The following SLC5A1 variants were observed in gnomAD, a reference collection of about 807,000 sequenced individuals.
The protein encoded by SLC5A1 is sodium/glucose cotransporter 1.
In SLC5A1, 42 loss-of-function variants were observed where a neutral mutation model predicts 73.5. The observed-to-expected ratio is 0.57, with a 90% CI of 0.45 to 0.74. The LOEUF (loss-of-function observed/expected upper bound fraction) is 0.74, where lower values mean the gene tolerates loss of function less well. Ranked by LOEUF, SLC5A1 falls within the 30% of genes least tolerant of loss-of-function variation. The probability of loss-of-function intolerance (pLI) is 0.00; values close to 1 mark genes in which losing one functional copy is unlikely to be tolerated. For missense variants in SLC5A1, 634 were observed against 855.4 expected, an observed-to-expected ratio of 0.74 and a Z score of 3.23; for synonymous variants, 300 against 317.4, an observed-to-expected ratio of 0.95 and a Z score of 0.58.
At chr22:32,087,229 A>C (rs2094009746) in intron 10 of SLC5A1, among the ~76,000 whole-genome samples, 1 of 152,220 alleles carries the variant, frequency 6.6e-6, no homozygotes, top group African/African-American at 2.4e-5. Context: ...GAAAATTGCC[A>C]AGAGTAGATT....
intron 5 of SLC5A1, among the ~76,000 whole-genome samples, chr22:32,073,904 AT>A (rs2093986777): frequency 6.6e-6 from 1 of 152,074 alleles, no homozygotes; most frequent in East Asian, 1.9e-4. Flanking sequence ...GGGCTTTCCC[AT>A]TTTATTTGAT....
In SLC5A1 at chr22:32,110,324, GATAA is replaced by G; in HGVS notation, c.*114_*117del. 1 of 801,598 alleles carries G rather than the reference GATAA, an allele frequency of 1.2e-6. No homozygotes were observed. The highest frequency in any genetic ancestry group is 2.2e-6 in the Non-Finnish European group (1 of 459,768). The allele number at this position is 801,598 out of a possible 1,614,324, so 49.7% of individuals were successfully genotyped here. On this transcript the variant is annotated 3_prime_UTR_variant, in exon 15 of 15. Coordinates refer to ENST00000266088, the MANE Select transcript of SLC5A1 (RefSeq NM_000343.4). The stretch of plus-strand genomic sequence containing the variant: ...GCCAGTTGTAAATTTTGCCCAGGTG[GATAA>G]ATGTGTACATGTGTAATTATAGGCT...
intron 14 of SLC5A1, among the ~76,000 whole-genome samples, chr22:32,109,135 C>T (rs1034716130): frequency 2.0e-5 from 3 of 152,116 alleles, no homozygotes; most frequent in Non-Finnish European, 4.4e-5. Context: ...GATTACCCCA[C>T]TGCACTCCAG....
chr22:32,079,165 G>C (rs563581452), intron 5 of SLC5A1, among the ~76,000 whole-genome samples: 1 of 152,250 alleles, frequency 6.6e-6, no homozygotes, highest in East Asian at 1.9e-4. Flanking sequence ...ACCCTAGTGG[G>C]TTTGTTTGGC....
At chr22:32,075,608 A>T (rs544314644) in intron 5 of SLC5A1, among the ~76,000 whole-genome samples, 9 of 152,156 alleles carry the variant, frequency 5.9e-5, no homozygotes, top group Non-Finnish European at 8.8e-5. Context: ...GTAGGTTAGA[A>T]TTCAAGACCC....
At position 32,110,264 on chromosome 22, in the gene SLC5A1, C is replaced by T; in HGVS notation, c.*51C>T. 7.1e-7 allele frequency: 1 copy of T among 1,407,034 alleles called. No individual in the cohort carries two copies. Among genetic ancestry groups the T allele is most frequent in the Non-Finnish European group, 1.0e-6 (1 of 993,472 alleles). The allele number at this position is 1,407,034 out of a possible 1,614,324, so 87.2% of individuals were successfully genotyped here. On this transcript the variant is annotated 3_prime_UTR_variant, in exon 15 of 15. Transcript: ENST00000266088. ...CATGGCTGGACTCTTACTCACCTTC[C>T]TTTAGTCTCGTCCTGTGGTGTTGAA...
chr22:32,108,612 T>G (rs2094050551), intron 14 of SLC5A1, among the ~76,000 whole-genome samples: 1 of 152,100 alleles, frequency 6.6e-6, no homozygotes, highest in Non-Finnish European at 1.5e-5. Context: ...TAGGAGTATT[T>G]TGAGTGTCAA....
At chr22:32,052,852 T>A (rs1215942144) in intron 2 of SLC5A1, among the ~76,000 whole-genome samples, 3 of 152,126 alleles carry the variant, frequency 2.0e-5, no homozygotes, top group Non-Finnish European at 4.4e-5. Context: ...TCCCCCTTAG[T>A]GGTGTCACCT....
intron 10 of SLC5A1, among the ~76,000 whole-genome samples, chr22:32,087,211 G>A (rs1190449667): frequency 6.6e-6 from 1 of 152,110 alleles, no homozygotes; most frequent in Non-Finnish European, 1.5e-5. Context: ...GCAACGTATT[G>A]TATACTTGAA....
At chr22:32,091,328 CACACACACACACA>C (rs2094017104) in intron 10 of SLC5A1, among the ~76,000 whole-genome samples, 3 of 151,486 alleles carry the variant, frequency 2.0e-5, no homozygotes, top group African/African-American at 4.9e-5. Context: ...CACACACACA[CACACACACACACA>C]CCCCACCACC....
intron 11 of SLC5A1, among the ~76,000 whole-genome samples, chr22:32,097,282 CTGGGAAA>C (rs2094027818): frequency 6.6e-6 from 1 of 152,058 alleles, no homozygotes; most frequent in African/African-American, 2.4e-5. Flanking sequence ...GCATGAGTGG[CTGGGAAA>C]GGCTCCTGGG....
rs2094053823 is a variant in SLC5A1, at chr22:32,110,178, A to G, written c.1960A>G (p.Thr654Ala). The G allele has an allele frequency of 1.9e-6, 3 of 1,614,048 alleles. No individual in the cohort carries two copies. Among genetic ancestry groups the G allele is most frequent in the Non-Finnish European group, 2.5e-6 (3 of 1,180,000 alleles). Residue 654 changes from threonine (T) to alanine (A), a missense_variant, in exon 15 of 15, where the codon ACC (threonine) becomes GCC (alanine). Coordinates refer to ENST00000266088, the MANE Select transcript of SLC5A1 (RefSeq NM_000343.4). ...GAACGTCAATGGCATCATCCTGGTG[A>G]CCGTGGCTGTCTTTTGCCATGCATA... Reference protein sequence around the residue: ...VLNVNGIILVTVAVFCHAYFA With the variant: ...VLNVNGIILVAVAVFCHAYFA
chr22:32,064,369 G>A (rs924466331), intron 2 of SLC5A1, among the ~76,000 whole-genome samples: 16 of 152,090 alleles, frequency 1.1e-4, no homozygotes, highest in African/African-American at 3.1e-4. Context: ...GGTGGTGCGC[G>A]CCTGTAGTCC....
chr22:32,065,136 C>T (rs974981790), intron 2 of SLC5A1, among the ~76,000 whole-genome samples: 2 of 152,018 alleles, frequency 1.3e-5, no homozygotes, highest in East Asian at 1.9e-4. Context: ...TTGTAGTGGC[C>T]GGGTCTCACT....
chr22:32,088,336 C>CTTTT (rs5844962), intron 10 of SLC5A1, among the ~76,000 whole-genome samples: 1 of 134,740 alleles, frequency 7.4e-6, no homozygotes, highest in Non-Finnish European at 1.6e-5. Flanking sequence ...TACTGCATTC[C>CTTTT]TTTTTTTTTT....
intron 11 of SLC5A1, among the ~76,000 whole-genome samples, chr22:32,097,278 G>A (rs1392303291): frequency 1.3e-5 from 2 of 152,236 alleles, no homozygotes; most frequent in Non-Finnish European, 2.9e-5. Flanking sequence ...TGTGGCATGA[G>A]TGGCTGGGAA....
In SLC5A1 at chr22:32,110,252, T is replaced by C. The variant is rs780984064; in HGVS notation, c.*39T>C. ...CTGTAGATTTACCATGGCTGGACTC[T>C]TACTCACCTTCCTTTAGTCTCGTCC... On this transcript the variant is annotated 3_prime_UTR_variant, in exon 15 of 15. Transcript: ENST00000266088. 1 of 1,449,904 alleles carries C rather than the reference T, an allele frequency of 6.9e-7. No individual in the cohort carries two copies. The highest frequency in any genetic ancestry group is 1.1e-5 in the South Asian group (1 of 87,564). 89.8% of individuals were successfully genotyped at this position (1,449,904 alleles called of 1,614,324 possible). A position where few individuals can be genotyped will look rare whatever the true frequency, so the allele number is the denominator to read the frequency against.
At chr22:32,060,199 A>ATTTTT (rs200047863) in intron 2 of SLC5A1, among the ~76,000 whole-genome samples, 4,938 of 136,574 alleles carry the variant, frequency 0.036, 141 homozygotes, top group Non-Finnish European at 0.056. Context: ...ATATATATAT[A>ATTTTT]TTTTTTTAAG....
In SLC5A1 at chr22:32,110,238, C is replaced by A; in HGVS notation, c.*25C>A. On this transcript the variant is annotated 3_prime_UTR_variant, in exon 15 of 15. Transcript: ENST00000266088. ...AGTCCTACCTTTTGCTGTAGATTTACCATGGCTGGACTCTTACTCACCTTC... is the reference window on the plus strand; with the variant it reads ...AGTCCTACCTTTTGCTGTAGATTTAACATGGCTGGACTCTTACTCACCTTC... 1 of 1,522,240 alleles carries A rather than the reference C, an allele frequency of 6.6e-7. No individual in the cohort carries two copies. Among genetic ancestry groups the A allele is most frequent in the Non-Finnish European group, 9.1e-7 (1 of 1,097,188 alleles). The allele number at this position is 1,522,240 out of a possible 1,614,324, so 94.3% of individuals were successfully genotyped here.
Sources: allele counts gnomAD v4.1 joint callset (sites outside exome capture counted in the v4.1 genomes callset), GRCh38; gene constraint gnomAD v4.1.1; transcripts MANE v1.5; gene names NCBI Gene and HGNC (gene_info 2026-07-23, HGNC 2026-07-21).